MED27: variants seen among roughly 807,000 people sequenced by gnomAD.
MED27 encodes the protein mediator complex subunit 27.
A neutral mutation model predicts 38.2 loss-of-function variants in MED27; 30 were observed. The ratio of observed to expected loss-of-function variants is 0.79; its 90% confidence interval spans 0.59 to 1.07. The LOEUF (loss-of-function observed/expected upper bound fraction) is 1.07, where lower values mean the gene tolerates loss of function less well. Among genes scored for constraint, MED27 ranks in the 50% least tolerant of loss-of-function variants. MED27 has a pLI of 0.00. For missense variants in MED27, 289 were observed against 397.5 expected (o/e 0.73, Z 2.32); for synonymous variants, 122 against 153.5 (o/e 0.79, Z 1.52).
intron 2 of MED27, among the ~76,000 whole-genome samples, chr9:132,063,005 T>C (rs2131153133): frequency 6.6e-6 from 1 of 152,318 alleles, no homozygotes; most frequent in Admixed American, 6.5e-5. Context: ...AAGGACCAGA[T>C]GTAAGACAGG....
intron 6 of MED27, chr9:131,869,525 A>G (rs1838793817): frequency 1.7e-6 from 1 of 592,378 alleles, no homozygotes; most frequent in Non-Finnish European, 2.1e-6. Flanking sequence ...GGCGGAGGCC[A>G]GGAAGGGCAC....
intron 3 of MED27, among the ~76,000 whole-genome samples, chr9:132,001,671 C>T (rs1832237179): frequency 6.6e-6 from 1 of 152,164 alleles, no homozygotes; most frequent in Non-Finnish European, 1.5e-5. Flanking sequence ...GAGGCAGCAA[C>T]AAAGTTAGGA....
chr9:132,078,701 G>A (rs1834109771), intron 1 of MED27, among the ~76,000 whole-genome samples: 1 of 152,156 alleles, frequency 6.6e-6, no homozygotes, highest in Admixed American at 6.5e-5. Context: ...AACCAGTCCA[G>A]AAATCAAAGG....
At chr9:131,941,376 C>T (rs1459312868) in intron 3 of MED27, among the ~76,000 whole-genome samples, 1 of 152,102 alleles carries the variant, frequency 6.6e-6, no homozygotes, top group Non-Finnish European at 1.5e-5. Context: ...TGAAAGATAG[C>T]AGAAAACATA....
intron 3 of MED27, among the ~76,000 whole-genome samples, chr9:131,968,471 C>CAAAA (rs10556528): frequency 1.0e-5 from 1 of 98,426 alleles, no homozygotes. Flanking sequence ...GACCCTGTCT[C>CAAAA]AAAAAAAAAA....
rs533221593 is a variant in MED27, at chr9:132,077,837, C to CA, written c.204-252dup. ...AAAAAAAAGGTAAGGGCAGTAGAATCAATAAGACCCCCATAATCAGAAATT... is the reference window on the plus strand; with the variant it reads ...AAAAAAAAGGTAAGGGCAGTAGAATCAAATAAGACCCCCATAATCAGAAATT... On this transcript the variant is annotated intron_variant, in intron 1 of 7. Transcript: ENST00000292035. Among the ~76,000 whole-genome samples, 154 of 152,006 alleles carry CA rather than the reference C, an allele frequency of 1.0e-3. No homozygotes were observed. In the Middle Eastern group the frequency reaches 0.024, roughly 24 times the overall value.
intron 2 of MED27, among the ~76,000 whole-genome samples, chr9:132,024,704 T>G (rs961480731): frequency 6.6e-6 from 1 of 152,224 alleles, no homozygotes; most frequent in East Asian, 1.9e-4. Flanking sequence ...CCTCTTGGCA[T>G]CATCAAATCC....
rs188810134 is a variant in MED27, at chr9:131,975,659, C to T, written c.480-36185G>A. Among the ~76,000 whole-genome samples the T allele has an allele frequency of 3.9e-5, 6 of 152,238 alleles. No individual in the cohort carries two copies. In the East Asian group the frequency reaches 5.8e-4, roughly 15 times the overall value. ...ACAATCCCTGCCCTCAAAGAGTTAACGGCTTAGAGAAGCAGAGTAACGCAA... is the reference window on the plus strand; with the variant it reads ...ACAATCCCTGCCCTCAAAGAGTTAATGGCTTAGAGAAGCAGAGTAACGCAA... On this transcript the variant is annotated intron_variant, in intron 3 of 7. Coordinates refer to ENST00000292035, the MANE Select transcript of MED27 (RefSeq NM_004269.4).
intron 4 of MED27, among the ~76,000 whole-genome samples, chr9:131,895,260 G>C (rs1336453359): frequency 6.6e-6 from 1 of 152,216 alleles, no homozygotes; most frequent in African/African-American, 2.4e-5. Flanking sequence ...CCTGGACGCA[G>C]ACCCCAGCCT....
intron 2 of MED27, among the ~76,000 whole-genome samples, chr9:132,057,389 C>T (rs1280989353): frequency 6.6e-6 from 1 of 152,194 alleles, no homozygotes; most frequent in East Asian, 1.9e-4. Context: ...CTGTGGTCTG[C>T]TGTGAGCAGT....
At chr9:131,990,552 G>GC (rs1196724847) in intron 3 of MED27, among the ~76,000 whole-genome samples, 1 of 152,228 alleles carries the variant, frequency 6.6e-6, no homozygotes, top group Non-Finnish European at 1.5e-5. Flanking sequence ...TGTTTATGGA[G>GC]CATCCTCAAA....
At chr9:132,047,311 G>A (rs1194630365) in intron 2 of MED27, among the ~76,000 whole-genome samples, 1 of 152,028 alleles carries the variant, frequency 6.6e-6, no homozygotes, top group Admixed American at 6.6e-5. Flanking sequence ...TAACCACGAG[G>A]AAGAGTACCA....
intron 2 of MED27, among the ~76,000 whole-genome samples, chr9:132,019,794 G>A (rs957570057): frequency 2.0e-5 from 3 of 152,178 alleles, no homozygotes; most frequent in Admixed American, 6.5e-5. Flanking sequence ...TCTTCCCTTC[G>A]GCAACAGAAC....
intron 3 of MED27, among the ~76,000 whole-genome samples, chr9:131,993,575 GT>G (rs1235051323): frequency 1.3e-5 from 2 of 152,226 alleles, no homozygotes; most frequent in African/African-American, 4.8e-5. Flanking sequence ...CCCGTTCCGA[GT>G]GGGGGCACAT....
At chr9:132,044,830 A>G (rs1833296157) in intron 2 of MED27, among the ~76,000 whole-genome samples, 1 of 152,244 alleles carries the variant, frequency 6.6e-6, no homozygotes, top group African/African-American at 2.4e-5. Context: ...CATTCAAGTC[A>G]AAAATGAAAT....
intron 3 of MED27, among the ~76,000 whole-genome samples, chr9:131,966,955 G>A (rs1343302527): frequency 6.6e-6 from 1 of 152,254 alleles, no homozygotes; most frequent in Non-Finnish European, 1.5e-5. Flanking sequence ...TTCACTAGCT[G>A]TGTGGCATTA....
At chr9:131,980,697 T>G (rs917721597) in intron 3 of MED27, among the ~76,000 whole-genome samples, 1 of 151,856 alleles carries the variant, frequency 6.6e-6, no homozygotes, top group Non-Finnish European at 1.5e-5. Context: ...GGGCTTTGAC[T>G]GTTTGCTGGA....
At chr9:131,871,614 A>G (rs981643937) in intron 6 of MED27, among the ~76,000 whole-genome samples, 1 of 152,160 alleles carries the variant, frequency 6.6e-6, no homozygotes, top group Non-Finnish European at 1.5e-5. Flanking sequence ...TGGTGGTCTG[A>G]TCACAGCACA....
intron 5 of MED27, among the ~76,000 whole-genome samples, chr9:131,893,299 T>G (rs549369938): frequency 5.9e-5 from 9 of 152,150 alleles, no homozygotes; most frequent in African/African-American, 2.2e-4. Flanking sequence ...ATCAGCATCC[T>G]CTGATGCTCT....
Sources: gnomAD v4.1 joint callset for allele counts (sites outside exome capture counted in the v4.1 genomes callset) on GRCh38, gnomAD v4.1.1 for gene constraint, MANE v1.5 for transcripts, NCBI Gene and HGNC (gene_info 2026-07-23, HGNC 2026-07-21) for gene names.